The following RBM10 variants were observed in gnomAD, a reference collection of about 807,000 sequenced individuals.
The protein encoded by RBM10 is RNA binding motif protein 10.
RBM10 carries 1 observed loss-of-function variant against 84.9 expected under a neutral mutation model. That is an observed-to-expected ratio of 0.01 (90% confidence interval 0.00 to 0.06). The LOEUF is 0.06. RBM10 is among the 10% of genes least tolerant of loss of function. RBM10 has a pLI of 1.00. For missense variants in RBM10, 438 were observed against 839.0 expected (o/e 0.52, Z 5.90); for synonymous variants, 326 against 344.5 (o/e 0.95, Z 0.60).
intron 2 of RBM10, among the ~76,000 whole-genome samples, chrX:47,160,860 A>G (rs953864865): frequency 8.9e-6 from 1 of 112,501 alleles, no homozygotes; most frequent in Non-Finnish European, 1.9e-5. Flanking sequence ...TTGGCATTGC[A>G]TTGCAGGACT....
chrX:47,179,425 G>A lies in RBM10; in HGVS notation c.831G>A (p.Gln277=), dbSNP rs2147168795. ...TGCTTCCCCTGCCGCAGCCCTACCA[G>A]GCCCAGGGAGTCCTGGCCTCCCAAG... ...QGLLPLPQPY[Q]AQGVLASQAL... The change falls in exon 9 of 24, where the codon CAG becomes CAA. Residue 277 remains glutamine (Q), a synonymous_variant. Transcript: ENST00000377604. 3 of 1,203,571 alleles carry A rather than the reference G, an allele frequency of 2.5e-6. No individual in the cohort carries two copies. Among genetic ancestry groups the A allele is most frequent in the Non-Finnish European group, 3.4e-6 (3 of 893,850 alleles).
At chrX:47,171,371 C>T in intron 4 of RBM10, 113 bp downstream of exon 4, 1 of 1,071,408 alleles carries the variant, frequency 9.3e-7, no homozygotes, top group Non-Finnish European at 1.2e-6. Context: ...ATCCCTTCTC[C>T]CCCTCCAGCT....
chrX:47,174,882 T>G, intron 5 of RBM10, 137 bp from the exon 6 acceptor site: 4 of 437,903 alleles, frequency 9.1e-6, no homozygotes, highest in Non-Finnish European at 8.3e-6. Context: ...GATTGCCTCT[T>G]TCTCTTTCTT....
intron 6 of RBM10, 131 bp from the exon 7 acceptor site, chrX:47,176,358 CCTCCATCCGCT>C: frequency 9.4e-7 from 1 of 1,066,226 alleles, no homozygotes; most frequent in Admixed American, 2.6e-5. Flanking sequence ...TCCCTTCTTC[CCTCCATCCGCT>C]CTCCGACCTC....
chrX:47,171,162 GGAGGAGGAGGAGGAGGAGGAGGAT>G lies in RBM10; in HGVS notation c.352_375del (p.Glu118_Glu125del). 1 of 1,150,166 alleles carries G rather than the reference GGAGGAGGAGGAGGAGGAGGAGGAT, an allele frequency of 8.7e-7. No individual in the cohort carries two copies. The highest frequency in any genetic ancestry group is 1.2e-6 in the Non-Finnish European group (1 of 856,802). The allele number at this position is 1,150,166 out of a possible 1,213,427, so 94.8% of individuals were successfully genotyped here. On this transcript the variant is annotated inframe_deletion, in exon 4 of 24. Transcript: ENST00000377604. Reference sequence around the variant, plus strand: ...ACCAGGACTATCGGACCGAGCAAGGGGAGGAGGAGGAGGAGGAGGAGGATGAGGAGGAGGAGGAGAAGGCCAGTA... The same window carrying G: ...ACCAGGACTATCGGACCGAGCAAGGGGAGGAGGAGGAGGAGAAGGCCAGTA...
chrX:47,149,551 G>A (rs1932619952), intron 2 of RBM10, among the ~76,000 whole-genome samples: 1 of 109,115 alleles, frequency 9.2e-6, no homozygotes, highest in Admixed American at 9.9e-5. Flanking sequence ...GTAGAGATGG[G>A]GTTTCTCCAT....
intron 2 of RBM10, among the ~76,000 whole-genome samples, chrX:47,167,638 G>A (rs782574535): frequency 1.8e-5 from 2 of 111,873 alleles, no homozygotes; most frequent in Non-Finnish European, 3.8e-5. Context: ...TGCCACCCAC[G>A]CCTGGCCTAT....
At chrX:47,153,487 T>C (rs898133550) in intron 2 of RBM10, among the ~76,000 whole-genome samples, 9 of 111,804 alleles carry the variant, frequency 8.0e-5, no homozygotes, top group African/African-American at 2.9e-4. Flanking sequence ...AGTTGTTTTA[T>C]AGAATGTTTC....
chrX:47,161,513 G>GTTTT (rs781863849), intron 2 of RBM10, among the ~76,000 whole-genome samples: 3 of 55,088 alleles, frequency 5.4e-5, no homozygotes, highest in African/African-American at 2.2e-4. Context: ...CAACTCATTA[G>GTTTT]TTTTTTTTTT....
At chrX:47,160,187 C>T (rs782250130) in intron 2 of RBM10, among the ~76,000 whole-genome samples, 5 of 111,948 alleles carry the variant, frequency 4.5e-5, no homozygotes, top group African/African-American at 1.3e-4. Context: ...ATGCCCTCCT[C>T]GATACAGGGT....
chrX:47,146,835 C>G (rs939405045), intron 1 of RBM10, among the ~76,000 whole-genome samples: 1 of 111,343 alleles, frequency 9.0e-6, no homozygotes, highest in Non-Finnish European at 1.9e-5. Context: ...CACACACCCC[C>G]CCAAGAGCCT....
chrX:47,159,049 C>T (rs1933423840), intron 2 of RBM10, among the ~76,000 whole-genome samples: 1 of 112,014 alleles, frequency 8.9e-6, no homozygotes, highest in African/African-American at 3.2e-5. Flanking sequence ...ATATGTACCA[C>T]ATTTTTCTTT....
rs1556776260 is a variant in RBM10, at chrX:47,176,497, C to T, written c.577-3C>T. Reference sequence around the variant, plus strand: ...CCTCACTGTGCTCTGCTTTTTCCCGCAGCACTCCCTCAACATCCTGGGCCA... The same window carrying T: ...CCTCACTGTGCTCTGCTTTTTCCCGTAGCACTCCCTCAACATCCTGGGCCA... On this transcript the variant is annotated splice_region_variant and splice_polypyrimidine_tract_variant and intron_variant, in intron 6 of 23. Transcript: ENST00000377604. 3 of 1,211,570 alleles carry T rather than the reference C, an allele frequency of 2.5e-6. No homozygotes were observed. Among genetic ancestry groups the T allele is most frequent in the African/African-American group, 1.7e-5 (1 of 57,756 alleles).
intron 2 of RBM10, chrX:47,157,455 T>C: frequency 2.6e-6 from 1 of 378,031 alleles, no homozygotes; most frequent in Non-Finnish European, 4.9e-6. Flanking sequence ...GCTGTTCTTC[T>C]CCAGCAGCCA....
At chrX:47,179,585 C>A in intron 9 of RBM10, 90 bp downstream of exon 9, 1 of 995,750 alleles carries the variant, frequency 1.0e-6, no homozygotes, top group Non-Finnish European at 1.4e-6. Context: ...AGGACCTCAT[C>A]CTCATGGAAT....
intron 2 of RBM10, among the ~76,000 whole-genome samples, chrX:47,150,485 T>C (rs782760774): frequency 8.9e-6 from 1 of 112,355 alleles, no homozygotes; most frequent in African/African-American, 3.2e-5. Flanking sequence ...GTTTTTACCT[T>C]TTGCATTCAG....
intron 2 of RBM10, among the ~76,000 whole-genome samples, chrX:47,162,164 G>A (rs2147108571): frequency 8.9e-6 from 1 of 112,539 alleles, no homozygotes; most frequent in East Asian, 2.8e-4. Flanking sequence ...TTAAAACAAT[G>A]CTACAGTAAC....
chrX:47,171,022 G>A lies in RBM10; in HGVS notation c.202-6G>A, dbSNP rs1556772513. On this transcript the variant is annotated splice_region_variant and splice_polypyrimidine_tract_variant and intron_variant, in intron 3 of 23. Coordinates refer to ENST00000377604, the MANE Select transcript of RBM10 (RefSeq NM_005676.5). The stretch of plus-strand genomic sequence containing the variant: ...CTGGTGTCACTCATCTCATTCTGTC[G>A]GCCAGGATTCCTACGAGGCCTCCCC... The A allele has an allele frequency of 4.1e-6, 5 of 1,210,118 alleles. No individual in the cohort carries two copies. The highest frequency in any genetic ancestry group is 3.4e-6 in the Non-Finnish European group (3 of 894,290).
chrX:47,179,203 G>A lies in RBM10; in HGVS notation c.724+40G>A, dbSNP rs188567491. 6.9e-3 allele frequency: 8,233 copies of A among 1,200,047 alleles called. 27 individuals are homozygous for A. Among genetic ancestry groups the A allele is most frequent in the Non-Finnish European group, 8.6e-3 (7,643 of 889,831 alleles). On this transcript the variant is annotated intron_variant, in intron 8 of 23. Transcript: ENST00000377604. ...CCTCTCGTGCTCTCCAGGGCGGAGC[G>A]GTTGGGGAGAAGGGAAGGGTGAGGG...
Sources: gnomAD v4.1 joint callset for allele counts (sites outside exome capture counted in the v4.1 genomes callset) on GRCh38, gnomAD v4.1.1 for gene constraint, MANE v1.5 for transcripts, NCBI Gene and HGNC (gene_info 2026-07-23, HGNC 2026-07-21) for gene names.